Variants in CLIP2 observed in about 807,000 individuals in gnomAD.
The protein encoded by CLIP2 is CAP-Gly domain containing linker protein 2, also known as CAP-Gly domain-containing linker protein 2.
In CLIP2, 41 loss-of-function variants were observed where a neutral mutation model predicts 111.7. The ratio of observed to expected loss-of-function variants is 0.37; its 90% CI spans 0.29 to 0.48. The LOEUF (loss-of-function observed/expected upper bound fraction) is 0.48. Among genes scored for constraint, CLIP2 ranks in the 20% least tolerant of loss-of-function variants. The pLI is 0.99. For synonymous variants in CLIP2, 660 were observed against 644.2 expected (o/e 1.02, Z -0.37); for missense variants, 1,160 against 1,422.1 (o/e 0.82, Z 2.96).
chr7:74,351,281 A>G (rs538225936), intron 3 of CLIP2, among the ~76,000 whole-genome samples: 3 of 150,914 alleles, frequency 2.0e-5, no homozygotes, highest in Non-Finnish European at 4.4e-5. Context: ...GGGCAATGTG[A>G]CGAAACCCCA....
At chr7:74,402,282 A>G (rs1235002560) in intron 16 of CLIP2, among the ~76,000 whole-genome samples, 1 of 150,000 alleles carries the variant, frequency 6.7e-6, no homozygotes, top group African/African-American at 2.5e-5. Flanking sequence ...ATGAGCCGAG[A>G]TCGCGCCACT....
chr7:74,361,978 G>A (rs1390620245), intron 7 of CLIP2, among the ~76,000 whole-genome samples: 1 of 152,000 alleles, frequency 6.6e-6, no homozygotes, highest in African/African-American at 2.4e-5. Flanking sequence ...GCAGGTGCCT[G>A]TAATCCCAGC....
chr7:74,352,426 G>C (rs183546597), intron 3 of CLIP2, among the ~76,000 whole-genome samples: 77 of 151,752 alleles, frequency 5.1e-4, no homozygotes, highest in South Asian at 4.2e-4. Context: ...GACAGAGTGA[G>C]ACTCTGTCTT....
intron 1 of CLIP2, among the ~76,000 whole-genome samples, chr7:74,304,307 A>T (rs1475050526): frequency 1.3e-5 from 2 of 151,914 alleles, no homozygotes; most frequent in Non-Finnish European, 2.9e-5. Context: ...CAGGTGGATC[A>T]CCTGAGGTCA....
At position 74,405,700 on chromosome 7, in the gene CLIP2, G is replaced by C. The variant is rs1385968373; in HGVS notation, c.*1852G>C. ...CAGCCAGAGGTCCATCTAGCAGGGTGCCGGGAGGAGCTGAGCCCCCGGAGG... is the reference window on the plus strand; with the variant it reads ...CAGCCAGAGGTCCATCTAGCAGGGTCCCGGGAGGAGCTGAGCCCCCGGAGG... On this transcript the variant is annotated 3_prime_UTR_variant, in exon 17 of 17. Transcript: ENST00000223398. 1 of 152,682 alleles carries C rather than the reference G, an allele frequency of 6.5e-6. No homozygotes were observed. Among genetic ancestry groups the C allele is most frequent in the African/African-American group, 2.4e-5 (1 of 41,474 alleles). The allele number at this position is 152,682 out of a possible 1,614,324, so 9.5% of individuals were successfully genotyped here. A position where few individuals can be genotyped will look rare whatever the true frequency, so the allele number is the denominator to read the frequency against.
In CLIP2 at chr7:74,401,613, C is replaced by T. The variant is rs782355661; in HGVS notation, c.3129+46C>T. ...CCCAGGTCCCTCCCGTGCAGGCAGA[C>T]CTCTCTGGAGAAAATCCTTGAAACG... On this transcript the variant is annotated intron_variant, in intron 16 of 16. Coordinates refer to ENST00000223398, the MANE Select transcript of CLIP2 (RefSeq NM_003388.5). 7 of 1,570,264 alleles carry T rather than the reference C, an allele frequency of 4.5e-6. No homozygotes were observed. In the South Asian group the frequency reaches 7.8e-5, roughly 18 times the overall value.
rs114691973 is a variant in CLIP2 at position 74,386,715 on chromosome 7, G to A, written c.2563+111G>A. On this transcript the variant is annotated intron_variant, in intron 12 of 16. Coordinates refer to ENST00000223398, the MANE Select transcript of CLIP2 (RefSeq NM_003388.5). Reference sequence around the variant, plus strand: ...GGGCCTGGCTTAGGGTCCCCTCCCCGACTCTGCTTTGAGAAGAAAAGGGCT... The same window carrying A: ...GGGCCTGGCTTAGGGTCCCCTCCCCAACTCTGCTTTGAGAAGAAAAGGGCT... 2.6e-3 allele frequency: 1,999 copies of A among 758,964 alleles called. 27 individuals are homozygous for A. The African/African-American group carries it at 0.031, about 12-fold the overall frequency. The allele number at this position is 758,964 out of a possible 1,614,324, so 47.0% of individuals were successfully genotyped here.
At position 74,356,516 on chromosome 7, in the gene CLIP2, A is replaced by G. The variant is rs1221370375; in HGVS notation, c.910A>G (p.Met304Val). ...AGCCAAGGCCAAGAAGACCAAGCGT[A>G]TGGCCATGGGTGTGTCAGCACTGAC... ...SPAKAKKTKR[M>V]AMGVSALTHS... Residue 304 changes from methionine (M) to valine (V), a missense_variant, in exon 5 of 17, where the codon ATG becomes GTG. Met to Val is a conservative substitution (Grantham distance 21). Around this residue, in one of 5 missense-constraint regions of CLIP2, gnomAD observed 110 missense variants for 185.2 expected, o/e 0.59. Coordinates refer to ENST00000223398, the MANE Select transcript of CLIP2 (RefSeq NM_003388.5). 2 of 1,614,066 alleles carry G rather than the reference A, an allele frequency of 1.2e-6. No homozygotes were observed. Among genetic ancestry groups the G allele is most frequent in the Admixed American group, 1.7e-5 (1 of 59,992 alleles).
intron 16 of CLIP2, 85 bp from the exon 17 acceptor site, chr7:74,403,752 T>G: frequency 6.9e-7 from 1 of 1,448,348 alleles, no homozygotes. Context: ...CGGCCCCAAC[T>G]CCTTTCCTCC....
intron 1 of CLIP2, among the ~76,000 whole-genome samples, chr7:74,302,356 C>T (rs961171140): frequency 2.0e-5 from 3 of 152,008 alleles, no homozygotes; most frequent in Non-Finnish European, 2.9e-5. Context: ...GCAGGGATTA[C>T]AGGCGCACAC....
chr7:74,377,441 T>G (rs562207527), intron 10 of CLIP2, among the ~76,000 whole-genome samples: 1 of 152,310 alleles, frequency 6.6e-6, no homozygotes, highest in African/African-American at 2.4e-5. Context: ...TCCTTAAGCA[T>G]CTACCCCTTC....
At chr7:74,312,057 C>T (rs566264701) in intron 1 of CLIP2, among the ~76,000 whole-genome samples, 2 of 151,996 alleles carry the variant, frequency 1.3e-5, no homozygotes, top group Non-Finnish European at 2.9e-5. Flanking sequence ...ACCAGCCTGG[C>T]CAACATGGTG....
Position 74,343,183 on chromosome 7 carries a change from G to A in CLIP2, c.678+4179G>A, listed in dbSNP as rs540048823. Among the ~76,000 whole-genome samples the A allele has an allele frequency of 7.3e-5, 11 of 151,394 alleles. No homozygotes were observed. In the East Asian group the frequency reaches 1.6e-3, roughly 21 times the overall value. On this transcript the variant is annotated intron_variant, in intron 3 of 16. Transcript: ENST00000223398. ...AGCCTGGGCAACAGAGCAAGACTCC[G>A]TCTCAAAAAAAAAAACAAGAAAAAA...
chr7:74,336,870 T>TTG (rs1564048986), intron 2 of CLIP2, among the ~76,000 whole-genome samples: 10 of 24,022 alleles, frequency 4.2e-4, no homozygotes, highest in African/African-American at 6.2e-4. Context: ...GTTTTTTTTT[T>TTG]TTTTGTTTTT....
chr7:74,403,693 T>C lies in CLIP2; in HGVS notation c.3130-144T>C. 3.6e-6 allele frequency: 3 copies of C among 826,518 alleles called. No homozygotes were observed. In the Admixed American group the frequency reaches 5.2e-5, roughly 14 times the overall value. The allele number at this position is 826,518 out of a possible 1,614,324, so 51.2% of individuals were successfully genotyped here. A position where few individuals can be genotyped will look rare whatever the true frequency, so the allele number is the denominator to read the frequency against. On this transcript the variant is annotated intron_variant, in intron 16 of 16. Transcript: ENST00000223398. The stretch of plus-strand genomic sequence containing the variant: ...AAACACACAGCAGGGAGACACTTCC[T>C]GCCTCAGGGCCTTGGCACATGCAGT...
chr7:74,328,911 TTA>T (rs782029254), intron 2 of CLIP2, among the ~76,000 whole-genome samples: 5 of 149,108 alleles, frequency 3.4e-5, no homozygotes, highest in Admixed American at 6.7e-5. Context: ...GTATTATTAT[TTA>T]TATATATATA....
intron 11 of CLIP2, chr7:74,381,067 CTTT>C: frequency 2.4e-6 from 1 of 414,698 alleles, no homozygotes; most frequent in East Asian, 3.6e-5. Context: ...AAGTTGCTGT[CTTT>C]TTTTTCTTTT....
chr7:74,326,318 AT>A (rs1475728471), intron 2 of CLIP2, among the ~76,000 whole-genome samples: 1 of 152,134 alleles, frequency 6.6e-6, no homozygotes, highest in Non-Finnish European at 1.5e-5. Context: ...GCTGAGACTC[AT>A]GCCAGACTGA....
At chr7:74,368,341 C>T (rs1235115370) in intron 8 of CLIP2, among the ~76,000 whole-genome samples, 1 of 151,960 alleles carries the variant, frequency 6.6e-6, no homozygotes, top group Admixed American at 6.6e-5. Flanking sequence ...CATAGTGAAA[C>T]CCCGTCTCTA....
Sources: gnomAD v4.1 joint callset for allele counts (sites outside exome capture counted in the v4.1 genomes callset) on GRCh38, gnomAD v4.1.1 for gene constraint, gnomAD v4.1.1 regional missense constraint, MANE v1.5 for transcripts, NCBI Gene and HGNC (gene_info 2026-07-23, HGNC 2026-07-21) for gene names.